Variants in CADPS2 observed in about 807,000 individuals in gnomAD.
The protein encoded by CADPS2 is calcium-dependent secretion activator 2.
A neutral mutation model predicts 172.5 loss-of-function variants in CADPS2; 93 were observed. The observed-to-expected ratio is 0.54, with a 90% CI of 0.46 to 0.64. CADPS2 has a LOEUF of 0.64. CADPS2 is among the 30% of genes least tolerant of loss of function. CADPS2 has a pLI of 0.00. For missense variants in CADPS2, 1,420 were observed against 1,565.9 expected, an observed-to-expected ratio of 0.91 and a Z score of 1.57; for synonymous variants, 546 against 555.2, an observed-to-expected ratio of 0.98 and a Z score of 0.23.
intron 1 of CADPS2, among the ~76,000 whole-genome samples, chr7:122,885,493 C>T (rs527892792): frequency 6.6e-6 from 1 of 152,216 alleles, no homozygotes; most frequent in East Asian, 1.9e-4. Flanking sequence ...CTTTTTTATT[C>T]ACTGAGGAAA....
In CADPS2 at chr7:122,645,311, G is replaced by A. The variant is rs537175318; in HGVS notation, c.787-15983C>T. Among the ~76,000 whole-genome samples, 238 of 124,752 alleles carry A rather than the reference G, an allele frequency of 1.9e-3. 3 individuals carry two copies. The highest frequency in any genetic ancestry group is 6.2e-3 in the African/African-American group (221 of 35,714). 81.8% of individuals were successfully genotyped at this position (124,752 alleles called of 152,430 possible). The stretch of plus-strand genomic sequence containing the variant: ...TGTACATATATACACATATGTACAT[G>A]TGTGTATACATGTACATATATACAC... On this transcript the variant is annotated intron_variant, in intron 3 of 29. Coordinates refer to ENST00000449022, the MANE Select transcript of CADPS2 (RefSeq NM_017954.11).
intron 9 of CADPS2, among the ~76,000 whole-genome samples, chr7:122,497,973 T>C (rs1287632811): frequency 6.6e-6 from 1 of 152,154 alleles, no homozygotes; most frequent in Non-Finnish European, 1.5e-5. Flanking sequence ...ATTTGCTTTT[T>C]TTTGAGACAT....
Position 122,522,361 on chromosome 7 carries a change from C to G in CADPS2, c.1476-9046G>C, listed in dbSNP as rs562132598. ...AACTCCTGAGCTCAAGTGATCTGCC[C>G]ACCTCAGCCTCCCAAAGTGCTGGGA... On this transcript the variant is annotated intron_variant, in intron 8 of 29. Transcript: ENST00000449022. 5.5e-4 allele frequency among the ~76,000 whole-genome samples: 83 copies of G among 152,104 alleles called. 2 individuals carry two copies. In the South Asian group the frequency reaches 6.8e-3, roughly 13 times the overall value.
At position 122,594,671 on chromosome 7, in the gene CADPS2, T is replaced by G. The variant is rs544503869; in HGVS notation, c.1224-13381A>C. 2.0e-5 allele frequency among the ~76,000 whole-genome samples: 3 copies of G among 151,972 alleles called. No homozygotes were observed. In the South Asian group the frequency reaches 6.2e-4, roughly 32 times the overall value. On this transcript the variant is annotated intron_variant, in intron 6 of 29. Coordinates refer to ENST00000449022, the MANE Select transcript of CADPS2 (RefSeq NM_017954.11). ...CAGGTTTCAGAAATAACAGAAGAGA[T>G]AATCTCTCACAAGCATTTTCCTTTC...
At chr7:122,637,430 A>G (rs1208168202) in intron 3 of CADPS2, among the ~76,000 whole-genome samples, 1 of 152,038 alleles carries the variant, frequency 6.6e-6, no homozygotes, top group Non-Finnish European at 1.5e-5. Flanking sequence ...TTGGCCTCCC[A>G]AAGTGCTGGG....
chr7:122,698,917 ATC>A (rs768928637), intron 2 of CADPS2: 22 of 1,567,596 alleles, frequency 1.4e-5, no homozygotes, highest in Non-Finnish European at 1.6e-5. Flanking sequence ...GAGTAGATGC[ATC>A]TCTCTCTTCT....
intron 1 of CADPS2, among the ~76,000 whole-genome samples, chr7:122,872,399 A>G (rs1221183692): frequency 6.6e-6 from 1 of 152,112 alleles, no homozygotes; most frequent in Non-Finnish European, 1.5e-5. Flanking sequence ...TGTTTTGTCA[A>G]AGAAAGCTTT....
intron 1 of CADPS2, among the ~76,000 whole-genome samples, chr7:122,843,974 G>GA (rs1297355254): frequency 2.0e-5 from 3 of 152,224 alleles, no homozygotes; most frequent in African/African-American, 7.2e-5. Flanking sequence ...AGGCTGAAAG[G>GA]AAACTGGGAT....
intron 1 of CADPS2, among the ~76,000 whole-genome samples, chr7:122,816,600 A>G (rs1801488656): frequency 6.6e-6 from 1 of 152,186 alleles, no homozygotes; most frequent in African/African-American, 2.4e-5. Context: ...TTTTTGGAGG[A>G]ACCTCCATAC....
intron 1 of CADPS2, among the ~76,000 whole-genome samples, chr7:122,737,843 T>C (rs1306511325): frequency 6.6e-6 from 1 of 152,016 alleles, no homozygotes; most frequent in Non-Finnish European, 1.5e-5. Flanking sequence ...CAAGAGTTAA[T>C]AGGAAGAAAG....
chr7:122,361,146 C>A, intron 25 of CADPS2, 133 bp from the exon 26 acceptor site: 1 of 669,548 alleles, frequency 1.5e-6, no homozygotes, highest in Non-Finnish European at 2.6e-6. Flanking sequence ...TGAGGTCAGA[C>A]TAACTTGTGA....
intron 8 of CADPS2, among the ~76,000 whole-genome samples, chr7:122,545,644 T>C (rs559415110): frequency 6.6e-6 from 1 of 152,222 alleles, no homozygotes; most frequent in Non-Finnish European, 1.5e-5. Flanking sequence ...TTTTGTTTGT[T>C]AGGATGGAGA....
At chr7:122,436,926 G>T (rs1171561798) in intron 17 of CADPS2, among the ~76,000 whole-genome samples, 1 of 152,058 alleles carries the variant, frequency 6.6e-6, no homozygotes, top group Non-Finnish European at 1.5e-5. Flanking sequence ...TATTAACTCA[G>T]TTGAGAGCAA....
At chr7:122,742,040 A>C (rs2092503016) in intron 1 of CADPS2, among the ~76,000 whole-genome samples, 1 of 152,164 alleles carries the variant, frequency 6.6e-6, no homozygotes, top group African/African-American at 2.4e-5. Context: ...ACTTGGATGC[A>C]ATGGATCATA....
intron 1 of CADPS2, among the ~76,000 whole-genome samples, chr7:122,824,399 A>T (rs1274677634): frequency 1.4e-4 from 22 of 152,188 alleles, no homozygotes; most frequent in Admixed American, 1.4e-3. Flanking sequence ...GCAATGTCTA[A>T]AAGTATTTGT....
chr7:122,595,830 C>T (rs2071684392), intron 6 of CADPS2, among the ~76,000 whole-genome samples: 1 of 152,014 alleles, frequency 6.6e-6, no homozygotes, highest in African/African-American at 2.4e-5. Context: ...GTAGGATCAC[C>T]TGAGACTTTT....
chr7:122,438,492 G>A (rs1451443492), intron 16 of CADPS2, 28 bp from the exon 17 acceptor site: 3 of 1,610,844 alleles, frequency 1.9e-6, no homozygotes, highest in East Asian at 2.2e-5. Flanking sequence ...GGAAGGGTGA[G>A]GGGCAGGGTT....
intron 27 of CADPS2, among the ~76,000 whole-genome samples, chr7:122,347,705 C>CA (rs2037902212): frequency 6.6e-6 from 1 of 152,116 alleles, no homozygotes; most frequent in African/African-American, 2.4e-5. Flanking sequence ...TAAACAATTA[C>CA]AAGGATAAAC....
At chr7:122,569,020 G>T (rs2066837516) in intron 7 of CADPS2, among the ~76,000 whole-genome samples, 1 of 152,130 alleles carries the variant, frequency 6.6e-6, no homozygotes, top group African/African-American at 2.4e-5. Context: ...AGTGTTGGAA[G>T]TTCTGGCCAG....
Sources: allele counts gnomAD v4.1 joint callset (sites outside exome capture counted in the v4.1 genomes callset), GRCh38; gene constraint gnomAD v4.1.1; transcripts MANE v1.5; gene names NCBI Gene and HGNC (gene_info 2026-07-23, HGNC 2026-07-21).